The following FOXP2 variants were observed in gnomAD, a reference collection of about 807,000 sequenced individuals.
FOXP2 encodes the protein forkhead box protein P2.
FOXP2 carries 12 observed loss-of-function variants against 115.8 expected under a neutral mutation model. That is an observed-to-expected ratio of 0.10 (90% confidence interval 0.07 to 0.17). The LOEUF (loss-of-function observed/expected upper bound fraction) is 0.17. FOXP2 is among the 10% of genes least tolerant of loss of function. The pLI is 1.00. For synonymous variants in FOXP2, 328 were observed against 297.7 expected (o/e 1.10, Z -1.05); for missense variants, 629 against 843.5 (o/e 0.75, Z 3.15).
At chr7:114,180,588 A>G (rs1793430122) in intron 1 of FOXP2, among the ~76,000 whole-genome samples, 1 of 151,926 alleles carries the variant, frequency 6.6e-6, no homozygotes, top group Non-Finnish European at 1.5e-5. Context: ...GTATATTGTC[A>G]GCTCCTGCCC....
At chr7:114,494,268 C>T (rs1278109679) in intron 2 of FOXP2, among the ~76,000 whole-genome samples, 1 of 152,080 alleles carries the variant, frequency 6.6e-6, no homozygotes, top group African/African-American at 2.4e-5. Context: ...GAAATTACTC[C>T]TAAGTTGCAG....
intron 1 of FOXP2, among the ~76,000 whole-genome samples, chr7:114,421,203 A>G (rs1793603479): frequency 6.6e-6 from 1 of 151,598 alleles, no homozygotes; most frequent in South Asian, 2.1e-4. Context: ...TTAGTATTTT[A>G]TAATATTTTC....
intron 1 of FOXP2, among the ~76,000 whole-genome samples, chr7:114,234,466 A>G (rs1342997321): frequency 3.9e-5 from 6 of 152,240 alleles, no homozygotes; most frequent in Non-Finnish European, 5.9e-5. Context: ...AATATTCTGA[A>G]TGAGGTACAG....
intron 2 of FOXP2, among the ~76,000 whole-genome samples, chr7:114,485,871 A>G (rs1005198763): frequency 1.3e-5 from 2 of 152,138 alleles, no homozygotes; most frequent in Admixed American, 6.6e-5. Flanking sequence ...GAAAGCTAAT[A>G]AGTGGTGGAG....
chr7:114,525,759 T>A (rs1252544455), intron 2 of FOXP2, among the ~76,000 whole-genome samples: 1 of 152,188 alleles, frequency 6.6e-6, no homozygotes, highest in African/African-American at 2.4e-5. Context: ...TACCTGCTGC[T>A]GCTCCTTAAT....
intron 1 of FOXP2, among the ~76,000 whole-genome samples, chr7:114,259,412 T>C (rs1021950630): frequency 6.6e-6 from 1 of 152,208 alleles, no homozygotes; most frequent in African/African-American, 2.4e-5. Flanking sequence ...TCTTTAATAA[T>C]ACCATCTTTC....
At chr7:114,369,339 C>T (rs1373569104) in intron 2 of FOXP2, among the ~76,000 whole-genome samples, 1 of 152,146 alleles carries the variant, frequency 6.6e-6, no homozygotes, top group South Asian at 2.1e-4. Context: ...GGTATCTTTA[C>T]AACAGCAGAG....
rs1394993113 is a variant in FOXP2 at position 114,628,771 on chromosome 7, C to G, written c.396+94C>G. On this transcript the variant is annotated intron_variant, in intron 4 of 16. Coordinates refer to ENST00000350908, the MANE Select transcript of FOXP2 (RefSeq NM_014491.4). ...GTGGGCATATTTGACAATTCAGTCT[C>G]CATTTGAAAGGACAACCTATTAGCG... is the stretch of plus-strand genomic sequence containing the variant. The G allele has an allele frequency of 6.0e-6, 9 of 1,500,320 alleles. No individual in the cohort carries two copies. The East Asian group carries it at 1.8e-4, about 30-fold the overall frequency. 92.9% of individuals were successfully genotyped at this position (1,500,320 alleles called of 1,614,324 possible).
At chr7:114,424,809 G>C (rs906312081) in intron 1 of FOXP2, among the ~76,000 whole-genome samples, 23 of 150,998 alleles carry the variant, frequency 1.5e-4, no homozygotes, top group African/African-American at 5.3e-4. Flanking sequence ...CATGTTTTCT[G>C]TTGTTTTTTT....
At chr7:114,309,102 C>T (rs1274731640) in intron 2 of FOXP2, among the ~76,000 whole-genome samples, 3 of 152,154 alleles carry the variant, frequency 2.0e-5, no homozygotes, top group Non-Finnish European at 4.4e-5. Flanking sequence ...TTATTTGCAG[C>T]AGAGAGCAGG....
At chr7:114,662,752 G>A (rs548641382) in intron 14 of FOXP2, among the ~76,000 whole-genome samples, 240 of 152,174 alleles carry the variant, frequency 1.6e-3, no homozygotes, top group Middle Eastern at 3.4e-3. Context: ...ACTAGTGTGA[G>A]AAAATTACTG....
At chr7:114,656,706 C>T (rs1330278396) in intron 10 of FOXP2, 4 of 180,360 alleles carry the variant, frequency 2.2e-5, no homozygotes, top group East Asian at 1.7e-4. Context: ...GGGTGCCAGT[C>T]GTTATTATTA....
At chr7:114,268,700 C>CTGTGTGTGTGTGTG (rs61371412) in intron 1 of FOXP2, among the ~76,000 whole-genome samples, 1 of 148,014 alleles carries the variant, frequency 6.8e-6, no homozygotes, top group Non-Finnish European at 1.5e-5. Context: ...ATACTCCCCA[C>CTGTGTGTGTGTGTG]TGTGTGTGTG....
intron 1 of FOXP2, among the ~76,000 whole-genome samples, chr7:114,206,245 A>G (rs1044094296): frequency 1.3e-5 from 2 of 152,124 alleles, no homozygotes; most frequent in Non-Finnish European, 2.9e-5. Context: ...GTGGCTTTCA[A>G]CTGAAAGAAA....
chr7:114,569,654 A>G (rs1036047029), intron 3 of FOXP2, among the ~76,000 whole-genome samples: 1 of 151,856 alleles, frequency 6.6e-6, no homozygotes, highest in South Asian at 2.1e-4. Flanking sequence ...ATTTCCCCCC[A>G]GTCTTCATCT....
intron 1 of FOXP2, among the ~76,000 whole-genome samples, chr7:114,167,258 GA>G (rs1391449086): frequency 3.3e-5 from 5 of 152,118 alleles, no homozygotes; most frequent in Admixed American, 2.6e-4. Context: ...ATAATAAAAA[GA>G]AATGAGCTAC....
At chr7:114,322,204 G>A (rs1797441904) in intron 2 of FOXP2, among the ~76,000 whole-genome samples, 1 of 151,554 alleles carries the variant, frequency 6.6e-6, no homozygotes, top group Admixed American at 6.6e-5. Flanking sequence ...TTCTTTTGTA[G>A]TGATAGAGTC....
chr7:114,113,751 G>A (rs2129142603), intron 1 of FOXP2, among the ~76,000 whole-genome samples: 1 of 152,170 alleles, frequency 6.6e-6, no homozygotes, highest in East Asian at 1.9e-4. Context: ...TGATCCTCCT[G>A]CCTTGACCTC....
intron 2 of FOXP2, among the ~76,000 whole-genome samples, chr7:114,395,135 T>C (rs1468307121): frequency 6.6e-6 from 1 of 152,190 alleles, no homozygotes; most frequent in Non-Finnish European, 1.5e-5. Context: ...ACTATGACAG[T>C]ATTTTCCCAA....
Sources: allele counts gnomAD v4.1 joint callset (sites outside exome capture counted in the v4.1 genomes callset), GRCh38; gene constraint gnomAD v4.1.1; transcripts MANE v1.5; gene names NCBI Gene and HGNC (gene_info 2026-07-23, HGNC 2026-07-21).